The following RYR2 variants were observed in gnomAD, a reference collection of about 807,000 sequenced individuals.
The protein encoded by RYR2 is ryanodine receptor 2, also known as cardiac muscle ryanodine receptor-calcium release channel.
In RYR2, 227 loss-of-function variants were observed where a neutral mutation model predicts 601.1. The ratio of observed to expected loss-of-function variants is 0.38; its 90% confidence interval spans 0.34 to 0.42. The LOEUF is 0.42. Ranked by LOEUF, RYR2 falls within the 10% of genes least tolerant of loss-of-function variation. RYR2 has a pLI of 1.00. For missense variants in RYR2, 4,646 were observed against 6,156.5 expected (o/e 0.75, Z 8.21); for synonymous variants, 2,223 against 2,175.1 (o/e 1.02, Z -0.61).
At chr1:237,730,572 G>C (rs1690592643) in intron 77 of RYR2, among the ~76,000 whole-genome samples, 1 of 152,058 alleles carries the variant, frequency 6.6e-6, no homozygotes, top group Non-Finnish European at 1.5e-5. Context: ...AAGGGGTTGA[G>C]AATTTAAAAT....
chr1:237,689,949 A>C (rs1204853133), intron 63 of RYR2, among the ~76,000 whole-genome samples: 1 of 151,778 alleles, frequency 6.6e-6, no homozygotes, highest in Non-Finnish European at 1.5e-5. Context: ...GGTTCAAGCA[A>C]TTTTCCTGCC....
At chr1:237,058,066 T>G (rs1662386914) in intron 1 of RYR2, among the ~76,000 whole-genome samples, 2 of 152,204 alleles carry the variant, frequency 1.3e-5, no homozygotes, top group Non-Finnish European at 2.9e-5. Flanking sequence ...GAAGCAAGCA[T>G]GTCTCATTAA....
chr1:237,278,594 A>G (rs1690542246), intron 2 of RYR2, among the ~76,000 whole-genome samples: 1 of 152,156 alleles, frequency 6.6e-6, no homozygotes, highest in African/African-American at 2.4e-5. Flanking sequence ...GAGATAAGTG[A>G]ATATAATTTG....
intron 1 of RYR2, among the ~76,000 whole-genome samples, chr1:237,074,983 A>G (rs1171834398): frequency 2.6e-5 from 4 of 152,192 alleles, no homozygotes; most frequent in Non-Finnish European, 5.9e-5. Context: ...CTGATTCCAC[A>G]TGTTTGGGAG....
intron 1 of RYR2, among the ~76,000 whole-genome samples, chr1:237,074,081 C>A (rs1203023221): frequency 1.3e-5 from 2 of 151,916 alleles, no homozygotes; most frequent in African/African-American, 2.4e-5. Context: ...ACTCAGGGGG[C>A]AGAGGCAGAA....
chr1:237,745,883 A>C (rs893628876), intron 80 of RYR2, among the ~76,000 whole-genome samples: 2 of 152,076 alleles, frequency 1.3e-5, no homozygotes, highest in Non-Finnish European at 2.9e-5. Flanking sequence ...GCAGGACACC[A>C]GATTTGGGGA....
intron 22 of RYR2, among the ~76,000 whole-genome samples, chr1:237,505,388 T>C (rs1293188949): frequency 2.6e-5 from 4 of 152,216 alleles, no homozygotes. Flanking sequence ...AGACATTGCT[T>C]CCAAAGTCTG....
intron 72 of RYR2, 49 bp from the exon 73 acceptor site, chr1:237,718,413 A>G (rs760843659): frequency 2.2e-6 from 2 of 912,546 alleles, no homozygotes; most frequent in Non-Finnish European, 3.6e-6. Context: ...GACTTGTGAC[A>G]GTTGATGCAA....
intron 1 of RYR2, among the ~76,000 whole-genome samples, chr1:237,260,871 G>A (rs542519034): frequency 5.9e-5 from 9 of 152,252 alleles, no homozygotes; most frequent in African/African-American, 2.2e-4. Flanking sequence ...CCCAAAGCTT[G>A]TCTGAAGACA....
chr1:237,044,277 A>G (rs1349274044), intron 1 of RYR2, among the ~76,000 whole-genome samples: 1 of 152,020 alleles, frequency 6.6e-6, no homozygotes, highest in Non-Finnish European at 1.5e-5. Context: ...TTGCTGTATA[A>G]TTTTTCAATC....
chr1:237,623,476 C>T (rs529048618), intron 38 of RYR2, among the ~76,000 whole-genome samples: 2 of 149,884 alleles, frequency 1.3e-5, no homozygotes, highest in East Asian at 3.9e-4. Context: ...TCACTGCAAC[C>T]TCCACCTCCC....
chr1:237,483,283 T>G (rs1020707242), intron 17 of RYR2, among the ~76,000 whole-genome samples: 5 of 152,210 alleles, frequency 3.3e-5, no homozygotes, highest in Non-Finnish European at 7.3e-5. Flanking sequence ...GATCTTTGTT[T>G]CATTTGCCTT....
intron 1 of RYR2, among the ~76,000 whole-genome samples, chr1:237,236,017 G>A (rs1297804380): frequency 6.6e-6 from 1 of 152,276 alleles, no homozygotes; most frequent in South Asian, 2.1e-4. Context: ...AAGGAATATG[G>A]TGCCTCTATG....
At chr1:237,611,071 G>T (rs1454464459) in intron 36 of RYR2, 83 bp downstream of exon 36, 3 of 1,178,514 alleles carry the variant, frequency 2.5e-6, no homozygotes, top group East Asian at 2.5e-5. Context: ...GTGGTGCGGG[G>T]CAGGGGTGGT....
intron 100 of RYR2, among the ~76,000 whole-genome samples, chr1:237,812,772 C>T (rs190853410): frequency 1.7e-3 from 259 of 152,262 alleles, no homozygotes; most frequent in African/African-American, 6.0e-3. Context: ...TTGCCTGGAG[C>T]CTCCTCCCTG....
Position 237,617,443 on chromosome 1 carries a change from C to G in RYR2, c.5873C>G (p.Thr1958Arg), listed in dbSNP as rs1362857129. The G allele has an allele frequency of 6.2e-7, 1 of 1,613,952 alleles. No homozygotes were observed. Among genetic ancestry groups the G allele is most frequent in the Non-Finnish European group, 8.5e-7 (1 of 1,179,850 alleles). Residue 1958 changes from threonine (T) to arginine (R), a missense_variant, in exon 38 of 105, where the codon ACA becomes AGA. Transcript: ENST00000366574. ...GCCTTAAACATGTCAGCTGCACTCA[C>G]AGCCAGGAAGACAAAGGAATTTAGA... ...MQALNMSAALTARKTKEFRSP... is the reference protein window; with the variant it reads ...MQALNMSAALRARKTKEFRSP...
chr1:237,478,561 G>A (rs993279700), intron 17 of RYR2, among the ~76,000 whole-genome samples: 2 of 152,180 alleles, frequency 1.3e-5, no homozygotes, highest in Admixed American at 1.3e-4. Flanking sequence ...ATATGATATG[G>A]AGAATTTCAG....
At chr1:237,257,061 A>G (rs898316143) in intron 1 of RYR2, among the ~76,000 whole-genome samples, 2 of 152,154 alleles carry the variant, frequency 1.3e-5, no homozygotes, top group African/African-American at 4.8e-5. Flanking sequence ...TCTAGAGTCT[A>G]TTCACTTTAG....
At chr1:237,212,069 T>G (rs1451810218) in intron 1 of RYR2, among the ~76,000 whole-genome samples, 1 of 115,698 alleles carries the variant, frequency 8.6e-6, no homozygotes, top group African/African-American at 2.7e-5. Flanking sequence ...ACATCTCTCT[T>G]GTTTTTGACT....
Sources: allele counts gnomAD v4.1 joint callset (sites outside exome capture counted in the v4.1 genomes callset), GRCh38; gene constraint gnomAD v4.1.1; transcripts MANE v1.5; gene names NCBI Gene and HGNC (gene_info 2026-07-23, HGNC 2026-07-21).